Variants in GRAMD4 observed in about 807,000 individuals in gnomAD.
GRAMD4 encodes GRAM domain containing 4.
A neutral mutation model predicts 83.9 loss-of-function variants in GRAMD4; 25 were observed. That is an observed-to-expected ratio of 0.30 (90% CI 0.22 to 0.42). GRAMD4 has a LOEUF of 0.42. GRAMD4 is among the 10% of genes least tolerant of loss of function. The pLI is 1.00. For synonymous variants in GRAMD4, 336 were observed against 320.9 expected (o/e 1.05, Z -0.50); for missense variants, 593 against 788.7 (o/e 0.75, Z 2.97).
At chr22:46,595,663 A>G (rs1290458291) in intron 1 of GRAMD4, among the ~76,000 whole-genome samples, 2 of 152,200 alleles carry the variant, frequency 1.3e-5, no homozygotes, top group Non-Finnish European at 1.5e-5. Flanking sequence ...CCCAGCCACC[A>G]GAACAGCCTT....
chr22:46,592,106 AC>A (rs1330801664), intron 1 of GRAMD4, among the ~76,000 whole-genome samples: 1 of 151,998 alleles, frequency 6.6e-6, no homozygotes, highest in African/African-American at 2.4e-5. Context: ...CCTCATCCTG[AC>A]GCCCAGCTCA....
chr22:46,678,241 G>A lies in GRAMD4; in HGVS notation c.*990G>A, dbSNP rs2082627385. 5.1e-6 allele frequency: 5 copies of A among 985,480 alleles called. No homozygotes were observed. Among genetic ancestry groups the A allele is most frequent in the Non-Finnish European group, 6.0e-6 (5 of 829,950 alleles). The allele number at this position is 985,480 out of a possible 1,614,324, so 61.0% of individuals were successfully genotyped here. A position where few individuals can be genotyped will look rare whatever the true frequency, so the allele number is the denominator to read the frequency against. On this transcript the variant is annotated 3_prime_UTR_variant, in exon 19 of 19. Transcript: ENST00000406902. ...GACCATGGTGGCCCAGGCTGCAGCC[G>A]CCTTTGGGCCATCCGAGAGGCTCTG...
At chr22:46,578,023 C>T (rs1157115580) in intron 1 of GRAMD4, among the ~76,000 whole-genome samples, 2 of 152,338 alleles carry the variant, frequency 1.3e-5, no homozygotes, top group South Asian at 2.1e-4. Context: ...GTGCCCCTGC[C>T]CTGTTGGCTG....
intron 3 of GRAMD4, among the ~76,000 whole-genome samples, chr22:46,652,935 G>C (rs541680510): frequency 2.0e-5 from 3 of 152,326 alleles, no homozygotes; most frequent in Admixed American, 6.5e-5. Flanking sequence ...TGAATGTGTC[G>C]CTGGTGGGCA....
Position 46,602,814 on chromosome 22 carries a change from C to T in GRAMD4, c.-49-23937C>T, listed in dbSNP as rs578092498. ...CTCTGTCTTCCAGGCTGGAGTGCGG[C>T]TCACTGCAACCTCTGCCTCTTGGGT... On this transcript the variant is annotated intron_variant, in intron 1 of 1. Transcript: ENST00000431155. Among the ~76,000 whole-genome samples the T allele has an allele frequency of 2.9e-3, 369 of 128,906 alleles. 3 individuals carry two copies. Among genetic ancestry groups the T allele is most frequent in the Middle Eastern group, 0.017 (3 of 180 alleles). The allele number at this position is 128,906 out of a possible 152,430, so 84.6% of individuals were successfully genotyped here.
upstream of GRAMD4, among the ~76,000 whole-genome samples, chr22:46,615,916 G>A (rs1213601065): frequency 7.0e-5 from 9 of 128,590 alleles, no homozygotes; most frequent in African/African-American, 2.7e-4. Flanking sequence ...AGGTTCCCCC[G>A]TGTGTAGGTT....
chr22:46,643,339 CCA>C (rs2082019189), intron 3 of GRAMD4, among the ~76,000 whole-genome samples: 1 of 152,004 alleles, frequency 6.6e-6, no homozygotes, highest in African/African-American at 2.4e-5. Flanking sequence ...ATCTATCCAT[CCA>C]TCCATCCATC....
chr22:46,676,743 G>A (rs1315666347), intron 18 of GRAMD4, 75 bp downstream of exon 18: 2 of 1,314,206 alleles, frequency 1.5e-6, no homozygotes, highest in East Asian at 2.5e-5. Context: ...CCTGGGACCA[G>A]CGTGGGGCAG....
intron 3 of GRAMD4, among the ~76,000 whole-genome samples, chr22:46,643,186 TCC>T (rs2147251582): frequency 7.4e-6 from 1 of 134,816 alleles, no homozygotes; most frequent in East Asian, 2.3e-4. Context: ...CATCCATCCA[TCC>T]ATCCATCCAT....
chr22:46,581,329 C>T (rs906491468), intron 1 of GRAMD4, among the ~76,000 whole-genome samples: 1 of 152,252 alleles, frequency 6.6e-6, no homozygotes, highest in Non-Finnish European at 1.5e-5. Flanking sequence ...TCAACCAAGT[C>T]TGCAGAGCAC....
intron 2 of GRAMD4, among the ~76,000 whole-genome samples, chr22:46,634,720 C>T (rs2081832558): frequency 6.6e-6 from 1 of 152,204 alleles, no homozygotes; most frequent in South Asian, 2.1e-4. Context: ...GCGGGTGGAT[C>T]ACCTGAGGCT....
rs183312529 is a variant in GRAMD4 at position 46,672,019 on chromosome 22, G to C, written c.1085-824G>C. On this transcript the variant is annotated intron_variant, in intron 13 of 18. Coordinates refer to ENST00000406902, the MANE Select transcript of GRAMD4 (RefSeq NM_015124.5). This position sits in a 1 kb window ranked among gnomAD's most constrained non-coding sequence, Gnocchi z 4.7. ...CCTGCAGGGAGGGCCTGCCACGTCT[G>C]GTCTGGTCTGGCGGGCTGTGCACTG... is the stretch of plus-strand genomic sequence containing the variant. Among the ~76,000 whole-genome samples the C allele has an allele frequency of 2.0e-4, 30 of 152,358 alleles. No individual in the cohort carries two copies. The highest frequency in any genetic ancestry group is 7.2e-4 in the African/African-American group (30 of 41,586).
In GRAMD4 at chr22:46,662,997, G is replaced by A. The variant is rs1025333944; in HGVS notation, c.467-43G>A. ...CCCGGAGCCGACCCCAGAACAGGCA[G>A]TGCAGCCCTGCCGTGCCCTCACCGG... On this transcript the variant is annotated intron_variant, in intron 5 of 18. Transcript: ENST00000406902. 3 of 1,557,282 alleles carry A rather than the reference G, an allele frequency of 1.9e-6. No homozygotes were observed. The African/African-American group carries it at 4.1e-5, about 21-fold the overall frequency.
At chr22:46,577,526 GTCCGGGT>G (rs2081055324) in intron 1 of GRAMD4, among the ~76,000 whole-genome samples, 1 of 151,152 alleles carries the variant, frequency 6.6e-6, no homozygotes, top group Non-Finnish European at 1.5e-5. Context: ...GCGGCCGCAG[GTCCGGGT>G]TCTGCCCGCC....
intron 3 of GRAMD4, among the ~76,000 whole-genome samples, chr22:46,657,292 C>T (rs772602928): frequency 7.9e-5 from 12 of 152,204 alleles, no homozygotes; most frequent in Non-Finnish European, 1.5e-4. Context: ...GTTCTTCATG[C>T]GTGGAGCCTG....
intron 5 of GRAMD4, 50 bp from the exon 6 acceptor site, chr22:46,662,990 A>G (rs1484570741): frequency 2.0e-6 from 3 of 1,529,910 alleles, no homozygotes; most frequent in Admixed American, 3.9e-5. Context: ...CGACCCCAGA[A>G]CAGGCAGTGC....
rs1001829505 is a variant in GRAMD4 at position 46,620,886 on chromosome 22, AAGGGAGGCCGATCTGAGAGGG to A, written c.-50+331_-50+351del. ...CCTCAGAACCTGACAGGACGAGAGG[AAGGGAGGCCGATCTGAGAGGG>A]AGGGAGGCCCATCCGAGAGGGAGGA... On this transcript the variant is annotated intron_variant, in intron 1 of 18. Transcript: ENST00000406902. This position sits in a 1 kb window ranked among gnomAD's most constrained non-coding sequence, Gnocchi z 4.7. Among the ~76,000 whole-genome samples the A allele has an allele frequency of 3.3e-5, 5 of 151,958 alleles. No individual in the cohort carries two copies. The highest frequency in any genetic ancestry group is 1.2e-4 in the African/African-American group (5 of 41,368).
chr22:46,634,959 A>G (rs1472652468), intron 2 of GRAMD4, among the ~76,000 whole-genome samples: 1 of 151,652 alleles, frequency 6.6e-6, no homozygotes, highest in Non-Finnish European at 1.5e-5. Context: ...AAAAAAAAAA[A>G]GAAATCATAA....
At chr22:46,639,108 CTG>C (rs1366291787) in intron 3 of GRAMD4, among the ~76,000 whole-genome samples, 1 of 152,070 alleles carries the variant, frequency 6.6e-6, no homozygotes, top group Admixed American at 6.5e-5. Context: ...GTAATGAACT[CTG>C]TGTGCTCATG....
Sources: allele counts gnomAD v4.1 joint callset (sites outside exome capture counted in the v4.1 genomes callset), GRCh38; gene constraint gnomAD v4.1.1; non-coding constraint Gnocchi (gnomAD v3.1); transcripts MANE v1.5; gene names NCBI Gene and HGNC (gene_info 2026-07-23, HGNC 2026-07-21).